DYNC2I2: variants seen among roughly 807,000 people sequenced by gnomAD.
DYNC2I2 encodes the protein cytoplasmic dynein 2 intermediate chain 2.
In DYNC2I2, 39 loss-of-function variants were observed where a neutral mutation model predicts 52.0. The ratio of observed to expected loss-of-function variants is 0.75; its 90% CI spans 0.58 to 0.98. DYNC2I2 has a LOEUF of 0.98. Among genes scored for constraint, DYNC2I2 ranks in the 50% least tolerant of loss-of-function variants. The pLI, the probability that DYNC2I2 is intolerant of heterozygous loss-of-function variation, is 0.00. For missense variants in DYNC2I2, 743 were observed against 728.4 expected (o/e 1.02, Z -0.23); for synonymous variants, 359 against 321.1 (o/e 1.12, Z -1.26).
chr9:128,677,114 C>T, the DYNC2I2 span, among the ~76,000 whole-genome samples: 1 of 151,656 alleles, frequency 6.6e-6, no homozygotes, highest in Non-Finnish European at 1.5e-5. Flanking sequence ...TCCCAAAGTG[C>T]TGGGTTTACA....
At chr9:128,670,827 G>T in the DYNC2I2 span, among the ~76,000 whole-genome samples, 1 of 151,892 alleles carries the variant, frequency 6.6e-6, no homozygotes, top group Non-Finnish European at 1.5e-5. Flanking sequence ...CACTTTGGGA[G>T]GCTGAGGCAG....
intron 1 of DYNC2I2, among the ~76,000 whole-genome samples, chr9:128,647,419 G>A (rs545602400): frequency 6.6e-6 from 1 of 152,216 alleles, no homozygotes; most frequent in South Asian, 2.1e-4. Flanking sequence ...GCTAGGCCCA[G>A]AGCCAGCCTC....
At chr9:128,635,070 C>A in intron 6 of DYNC2I2, 22 bp downstream of exon 6, 1 of 1,601,090 alleles carries the variant, frequency 6.2e-7, no homozygotes, top group South Asian at 1.1e-5. Context: ...CAGGCCAGGG[C>A]AGTTTCCGGG....
rs1463699313 is a variant in DYNC2I2, at chr9:128,635,205, CCA to C, written c.866_867del (p.Val289GlyfsTer57). On this transcript the variant is annotated frameshift_variant, in exon 6 of 9. Coordinates refer to ENST00000372715, the MANE Select transcript of DYNC2I2 (RefSeq NM_052844.4). LOFTEE classifies it high-confidence loss of function. ...CAGAGTAGCACCTTCCCGTCGGTGG[CCA>C]CACTCAGCACCTGGAAGCGGTGGCT... is the stretch of plus-strand genomic sequence containing the variant. The part of the protein sequence containing the change: ...GHSHRFQVLS[V>X]ATDGKVLLWQ... 1.2e-6 allele frequency: 2 copies of C among 1,613,178 alleles called. No homozygotes were observed. Among genetic ancestry groups the C allele is most frequent in the African/African-American group, 2.7e-5 (2 of 74,924 alleles).
chr9:128,638,637 C>T lies in DYNC2I2; in HGVS notation c.436-1610G>A, dbSNP rs76194043. On this transcript the variant is annotated intron_variant, in intron 2 of 8. Coordinates refer to ENST00000372715, the MANE Select transcript of DYNC2I2 (RefSeq NM_052844.4). Reference sequence around the variant, plus strand: ...ACTGCTGCAGCATGTGCAAGAGGTGCCTCTGCTGTGGAGAACAAGCTGCAG... The same window carrying T: ...ACTGCTGCAGCATGTGCAAGAGGTGTCTCTGCTGTGGAGAACAAGCTGCAG... Among the ~76,000 whole-genome samples, 412 of 152,314 alleles carry T rather than the reference C, an allele frequency of 2.7e-3. 9 individuals carry two copies. The East Asian group carries it at 0.04, about 15-fold the overall frequency.
chr9:128,682,442 T>C, the DYNC2I2 span, among the ~76,000 whole-genome samples: 1 of 152,050 alleles, frequency 6.6e-6, no homozygotes, highest in Non-Finnish European at 1.5e-5. Context: ...TTTGGGAGGC[T>C]GAGGTGGGCA....
the DYNC2I2 span, among the ~76,000 whole-genome samples, chr9:128,673,698 G>C: frequency 2.6e-5 from 4 of 151,854 alleles, no homozygotes; most frequent in African/African-American, 7.3e-5. Flanking sequence ...AGTAGAGATG[G>C]GGTTTCACCG....
At chr9:128,674,869 C>A in the DYNC2I2 span, among the ~76,000 whole-genome samples, 1 of 152,146 alleles carries the variant, frequency 6.6e-6, no homozygotes, top group Non-Finnish European at 1.5e-5. Context: ...TGAGCCACCA[C>A]GCCCAGCCAA....
chr9:128,634,009 T>A, intron 8 of DYNC2I2, 27 bp from the exon 9 acceptor site: 2 of 1,611,102 alleles, frequency 1.2e-6, no homozygotes, highest in Non-Finnish European at 1.7e-6. Flanking sequence ...ATACGTGGAG[T>A]AAGAGAAACT....
the DYNC2I2 span, among the ~76,000 whole-genome samples, chr9:128,669,866 A>G: frequency 6.6e-6 from 1 of 152,132 alleles, no homozygotes; most frequent in Non-Finnish European, 1.5e-5. Flanking sequence ...TTTTTAGTAA[A>G]GACGGGGTTT....
chr9:128,660,742 GT>G (rs1280326330), upstream of DYNC2I2, among the ~76,000 whole-genome samples: 1 of 151,294 alleles, frequency 6.6e-6, no homozygotes, highest in Non-Finnish European at 1.5e-5. Flanking sequence ...ATTTATTTAT[GT>G]TTTTGAGATG....
In DYNC2I2 at chr9:128,656,569, C is replaced by G; in HGVS notation, c.158G>C (p.Arg53Thr). The change falls in exon 1 of 9, where the codon AGG becomes ACG. Residue 53 changes from arginine to threonine, a missense_variant. Arg to Thr is a moderately conservative substitution (Grantham distance 71). Transcript: ENST00000372715. ...LGVASVPSQW[R>T]AVQGIRWETK... is the part of the protein sequence containing the mutation. ...CTCCCAGCGGATGCCCTGGACGGCCCTCCACTGCGAGGGCACGGACGCCAC... is the reference window on the plus strand; with the variant it reads ...CTCCCAGCGGATGCCCTGGACGGCCGTCCACTGCGAGGGCACGGACGCCAC... The G allele has an allele frequency of 6.8e-7, 1 of 1,477,848 alleles. No individual in the cohort carries two copies. Among genetic ancestry groups the G allele is most frequent in the Non-Finnish European group, 8.9e-7 (1 of 1,122,408 alleles). 91.5% of individuals were successfully genotyped at this position (1,477,848 alleles called of 1,614,324 possible). A position where few individuals can be genotyped will look rare whatever the true frequency, so the allele number is the denominator to read the frequency against.
intron 1 of DYNC2I2, 84 bp downstream of exon 1, chr9:128,656,445 CCGGCAGCCACGG>C: frequency 9.3e-7 from 1 of 1,075,308 alleles, no homozygotes; most frequent in Non-Finnish European, 1.2e-6. Context: ...CCGAACCCGC[CCGGCAGCCACGG>C]TGGGACGCCC....
the DYNC2I2 span, among the ~76,000 whole-genome samples, chr9:128,680,470 T>C: frequency 6.6e-6 from 1 of 151,794 alleles, no homozygotes; most frequent in Non-Finnish European, 1.5e-5. Context: ...CTCCACCTCC[T>C]GGGTTCACGC....
chr9:128,637,020 C>G lies in DYNC2I2; in HGVS notation c.443G>C (p.Cys148Ser). ...NWTEQQQMVS[C>S]LYTLGYPPAQ... ...TGGCGGGTAGCCCAGGGTATACAGA[C>G]AAGACACCTGCGGAGACGTCCCCAA... Residue 148 changes from cysteine (C) to serine (S), a missense_variant, in exon 3 of 9, where the codon TGT becomes TCT. Coordinates refer to ENST00000372715, the MANE Select transcript of DYNC2I2 (RefSeq NM_052844.4). The G allele has an allele frequency of 6.2e-7, 1 of 1,613,094 alleles. No individual in the cohort carries two copies. The highest frequency in any genetic ancestry group is 8.5e-7 in the Non-Finnish European group (1 of 1,179,826).
At chr9:128,680,025 T>C in the DYNC2I2 span, among the ~76,000 whole-genome samples, 1 of 152,090 alleles carries the variant, frequency 6.6e-6, no homozygotes, top group African/African-American at 2.4e-5. Flanking sequence ...TAATAGTACA[T>C]GCTAATTTTG....
At chr9:128,634,139 C>A (rs1860296449) in intron 8 of DYNC2I2, 87 bp downstream of exon 8, 3 of 1,586,624 alleles carry the variant, frequency 1.9e-6, no homozygotes, top group Non-Finnish European at 8.6e-7. Flanking sequence ...CATGTGTGGT[C>A]TTTTCCCCAA....
At chr9:128,676,181 A>C in the DYNC2I2 span, among the ~76,000 whole-genome samples, 1 of 152,216 alleles carries the variant, frequency 6.6e-6, no homozygotes, top group East Asian at 1.9e-4. Flanking sequence ...TTAAAAATAA[A>C]GAAAAAATAT....
upstream of DYNC2I2, among the ~76,000 whole-genome samples, chr9:128,657,820 A>G (rs1055175896): frequency 1.3e-5 from 2 of 151,944 alleles, no homozygotes; most frequent in African/African-American, 2.4e-5. Context: ...AAAAATAATA[A>G]TAGGCCAGAC....
Sources: gnomAD v4.1 joint callset for allele counts (sites outside exome capture counted in the v4.1 genomes callset) on GRCh38, gnomAD v4.1.1 for gene constraint, MANE v1.5 for transcripts, NCBI Gene and HGNC (gene_info 2026-07-23, HGNC 2026-07-21) for gene names.